The following HYDIN variants were observed in gnomAD, a reference collection of about 807,000 sequenced individuals.
HYDIN encodes axonemal central pair apparatus protein HYDIN.
In HYDIN, 132 loss-of-function variants were observed where a neutral mutation model predicts 403.9. The ratio of observed to expected loss-of-function variants is 0.33; its 90% CI spans 0.28 to 0.38. The LOEUF (loss-of-function observed/expected upper bound fraction) is 0.38, where lower values mean the gene tolerates loss of function less well. HYDIN is among the 10% of genes least tolerant of loss of function. HYDIN has a pLI of 1.00. For synonymous variants in HYDIN, 1,202 were observed against 1,891.7 expected (o/e 0.64, Z 9.46); for missense variants, 2,827 against 5,009.5 (o/e 0.56, Z 13.15).
At chr16:70,912,987 G>A (rs2076735941) in intron 47 of HYDIN, among the ~76,000 whole-genome samples, 1 of 150,816 alleles carries the variant, frequency 6.6e-6, no homozygotes, top group Non-Finnish European at 1.5e-5. Flanking sequence ...TCTCCTGTTT[G>A]TTTCTTATTG....
At position 70,943,929 on chromosome 16, in the gene HYDIN, G is replaced by T. The variant is rs368359335; in HGVS notation, c.6552C>A (p.Pro2184=). ...ETPQISSSPL[P]PGPIHRWLSV... The stretch of plus-strand genomic sequence containing the variant: ...TGAGCCAGCGGTGGATGGGCCCCGG[G>T]GGGAGAGGGCTGGAGGAAATCTGTT... The change falls in exon 42 of 86, where the codon CCC becomes CCA. Residue 2184 remains proline, a synonymous_variant. Coordinates refer to ENST00000393567, the MANE Select transcript of HYDIN (RefSeq NM_001270974.2). 17 of 1,611,060 alleles carry T rather than the reference G, an allele frequency of 1.1e-5. No individual in the cohort carries two copies. The highest frequency in any genetic ancestry group is 3.4e-5 in the Admixed American group (2 of 59,634).
intron 53 of HYDIN, among the ~76,000 whole-genome samples, chr16:70,897,290 G>A (rs755558286): frequency 6.6e-6 from 1 of 152,120 alleles, no homozygotes; most frequent in Non-Finnish European, 1.5e-5. Flanking sequence ...AGCTCTCCTG[G>A]GTCTGCTCTG....
At chr16:70,872,610 C>T (rs1292985431) in intron 64 of HYDIN, among the ~76,000 whole-genome samples, 6 of 139,956 alleles carry the variant, frequency 4.3e-5, no homozygotes, top group African/African-American at 1.6e-4. Flanking sequence ...CAGCCATCAT[C>T]CACCCACCCA....
At position 70,991,326 on chromosome 16, in the gene HYDIN, T is replaced by C; in HGVS notation, c.3856A>G (p.Ile1286Val). 1.9e-6 allele frequency: 3 copies of C among 1,614,066 alleles called. No homozygotes were observed. Among genetic ancestry groups the C allele is most frequent in the Non-Finnish European group, 2.5e-6 (3 of 1,179,934 alleles). Residue 1286 changes from isoleucine (I) to valine (V), a missense_variant, in exon 25 of 86, where the codon ATC becomes GTC. By Grantham distance (29) the Ile-to-Val change is conservative. Transcript: ENST00000393567. ...ELRKTKASSV[I>V]SDEIKISSTE... ...TGGAAAGGACACCGTACATCTGAGA[T>C]CACACTGGAAGCTTTCGTTTTTCTT...
intron 10 of HYDIN, among the ~76,000 whole-genome samples, chr16:71,096,386 T>A (rs1257022567): frequency 6.6e-6 from 1 of 152,252 alleles, no homozygotes; most frequent in South Asian, 2.1e-4. Flanking sequence ...TTATTGAATA[T>A]GTGAATAATT....
intron 55 of HYDIN, chr16:70,893,396 G>C (rs1567780562): frequency 6.6e-6 from 1 of 152,118 alleles, no homozygotes; most frequent in African/African-American, 2.4e-5. Flanking sequence ...TGAAAAGTGT[G>C]GGCACTGCCA....
intron 39 of HYDIN, among the ~76,000 whole-genome samples, chr16:70,958,211 T>C (rs1161700040): frequency 2.0e-5 from 3 of 152,016 alleles, no homozygotes; most frequent in Non-Finnish European, 4.4e-5. Flanking sequence ...CCTTCAAAAG[T>C]TGTATGTTCT....
rs1321588139 is a variant in HYDIN, at chr16:70,955,386, C to A, written c.6305G>T (p.Gly2102Val). 1 of 1,599,686 alleles carries A rather than the reference C, an allele frequency of 6.3e-7. No homozygotes were observed. Among genetic ancestry groups the A allele is most frequent in the Non-Finnish European group, 8.5e-7 (1 of 1,175,704 alleles). Residue 2102 changes from glycine (G) to valine (V), a missense_variant, in exon 40 of 86, where the codon GGA becomes GTA. Physicochemically the swap from Gly to Val is moderately radical, Grantham distance 109 (BLOSUM62 -3). Transcript: ENST00000393567. The stretch of plus-strand genomic sequence containing the variant: ...GAATGGGCTCTTACCAGCCTCCTCT[C>A]CTTCCTTCACGGACTGCTCTATGGC... ...RAAIEQSVKE[G>V]EEAAQEAAVG...
chr16:71,212,263 T>C (rs1337828917), intron 1 of HYDIN, among the ~76,000 whole-genome samples: 2 of 152,206 alleles, frequency 1.3e-5, no homozygotes, highest in African/African-American at 4.8e-5. Flanking sequence ...TTCTTGGTCT[T>C]AGGAGATACC....
chr16:70,920,572 C>G lies in HYDIN; in HGVS notation c.7785+19G>C, dbSNP rs2076962788. The G allele has an allele frequency of 6.3e-7, 1 of 1,581,572 alleles. No individual in the cohort carries two copies. Among genetic ancestry groups the G allele is most frequent in the South Asian group, 1.2e-5 (1 of 86,022 alleles). ...GCTGCCTGACTTGAGACTTCCCCAC[C>G]CTGGAGGAGAGTCCATACCTGCTCT... On this transcript the variant is annotated intron_variant, in intron 46 of 85. Coordinates refer to ENST00000393567, the MANE Select transcript of HYDIN (RefSeq NM_001270974.2).
chr16:71,223,542 C>G (rs1447093684), intron 1 of HYDIN, among the ~76,000 whole-genome samples: 1 of 151,776 alleles, frequency 6.6e-6, no homozygotes, highest in Admixed American at 6.6e-5. Flanking sequence ...ACAGACAACC[C>G]ACAGGGTGGG....
At chr16:71,063,869 G>T (rs2082170077) in intron 16 of HYDIN, among the ~76,000 whole-genome samples, 1 of 151,256 alleles carries the variant, frequency 6.6e-6, no homozygotes, top group South Asian at 2.1e-4. Flanking sequence ...AAAATACAAT[G>T]ACAACATCTG....
chr16:70,991,991 G>A (rs2079368400), intron 24 of HYDIN, 79 bp downstream of exon 24: 2 of 1,599,588 alleles, frequency 1.3e-6, no homozygotes, highest in Admixed American at 1.7e-5. Context: ...GAACCAATGA[G>A]GGATGAGTAT....
At chr16:70,829,879 G>A (rs763670687) in intron 80 of HYDIN, 49 bp from the exon 81 acceptor site, 13 of 1,523,980 alleles carry the variant, frequency 8.5e-6, no homozygotes, top group East Asian at 4.5e-5. Context: ...CCCCTGGTCC[G>A]TCTCCAGGGC....
At chr16:70,987,476 G>C (rs1055085016) in intron 27 of HYDIN, among the ~76,000 whole-genome samples, 1 of 152,034 alleles carries the variant, frequency 6.6e-6, no homozygotes, top group African/African-American at 2.4e-5. Flanking sequence ...GGCTTGATGA[G>C]ACCCTGTAAT....
At chr16:70,870,311 T>C (rs1183582452) in intron 65 of HYDIN, among the ~76,000 whole-genome samples, 2 of 150,450 alleles carry the variant, frequency 1.3e-5, no homozygotes, top group African/African-American at 4.9e-5. Flanking sequence ...CAAATGTTAA[T>C]GGCCAAAACA....
intron 62 of HYDIN, among the ~76,000 whole-genome samples, chr16:70,877,750 T>G (rs1307761418): frequency 6.6e-6 from 1 of 152,130 alleles, no homozygotes; most frequent in South Asian, 2.1e-4. Flanking sequence ...CTTTTGCTCA[T>G]GAGTCTGTGG....
At chr16:70,974,486 A>T (rs1774295) in intron 32 of HYDIN, 48 bp downstream of exon 32, 12 of 1,326,110 alleles carry the variant, frequency 9.0e-6, no homozygotes, top group African/African-American at 3.3e-5. Flanking sequence ...GGGTTCCTTG[A>T]GAGAAATGAC....
intron 18 of HYDIN, among the ~76,000 whole-genome samples, chr16:71,034,358 T>G (rs148947239): frequency 0.031 from 4,678 of 152,148 alleles, 102 homozygotes; most frequent in Non-Finnish European, 0.049. Flanking sequence ...GCACTGATGA[T>G]CTCTGTAAGT....
Sources: gnomAD v4.1 joint callset for allele counts (sites outside exome capture counted in the v4.1 genomes callset) on GRCh38, gnomAD v4.1.1 for gene constraint, MANE v1.5 for transcripts, NCBI Gene and HGNC (gene_info 2026-07-23, HGNC 2026-07-21) for gene names.